Variants in KCNN2 observed in about 807,000 individuals in gnomAD.
KCNN2 encodes the protein potassium calcium-activated channel subfamily N member 2.
KCNN2 carries 24 observed loss-of-function variants against 55.5 expected under a neutral mutation model. That is an observed-to-expected ratio of 0.43 (90% confidence interval 0.31 to 0.61). KCNN2 has a LOEUF of 0.61. Ranked by LOEUF, KCNN2 falls within the 20% of genes least tolerant of loss-of-function variation. The pLI is 0.08. For missense variants in KCNN2, 754 were observed against 853.6 expected (o/e 0.88, Z 1.45); for synonymous variants, 431 against 336.1 (o/e 1.28, Z -3.09).
At chr5:114,269,826 T>C (rs943769191) in intron 2 of KCNN2, among the ~76,000 whole-genome samples, 7 of 152,212 alleles carry the variant, frequency 4.6e-5, no homozygotes, top group African/African-American at 1.4e-4. Flanking sequence ...TAGTTCTAAA[T>C]ATTTGATCAG....
At chr5:114,235,195 A>C (rs1227611914) in intron 2 of KCNN2, among the ~76,000 whole-genome samples, 3 of 152,222 alleles carry the variant, frequency 2.0e-5, no homozygotes, top group Non-Finnish European at 4.4e-5. Flanking sequence ...CTACCATTTG[A>C]GGCAAAGTAG....
chr5:114,070,416 A>G (rs1224403403), intron 1 of KCNN2, among the ~76,000 whole-genome samples: 1 of 152,090 alleles, frequency 6.6e-6, no homozygotes, highest in Non-Finnish European at 1.5e-5. Flanking sequence ...GCTATTCTTT[A>G]TCTTTGTTTT....
intron 1 of KCNN2, among the ~76,000 whole-genome samples, chr5:114,074,921 G>C (rs2112531177): frequency 6.6e-6 from 1 of 152,354 alleles, no homozygotes; most frequent in East Asian, 1.9e-4. Context: ...AAAGTGAGTT[G>C]AAGTTCTGGA....
chr5:114,278,276 G>T (rs956469205), intron 2 of KCNN2, among the ~76,000 whole-genome samples: 1 of 152,164 alleles, frequency 6.6e-6, no homozygotes, highest in African/African-American at 2.4e-5. Flanking sequence ...CTACTGGTAG[G>T]TGTCTCCCAG....
intron 1 of KCNN2, among the ~76,000 whole-genome samples, chr5:114,062,561 A>T (rs571812807): frequency 6.6e-6 from 1 of 152,236 alleles, no homozygotes; most frequent in East Asian, 1.9e-4. Flanking sequence ...GCTTCAGTGT[A>T]CTAGGGATCA....
At chr5:114,458,793 A>G (rs1419264518) in intron 3 of KCNN2, among the ~76,000 whole-genome samples, 1 of 152,206 alleles carries the variant, frequency 6.6e-6, no homozygotes, top group Non-Finnish European at 1.5e-5. Context: ...GCTACAGGGA[A>G]TCTGGAGAAG....
intron 1 of KCNN2, among the ~76,000 whole-genome samples, chr5:114,074,845 G>T (rs1486291187): frequency 1.3e-5 from 2 of 152,174 alleles, no homozygotes; most frequent in South Asian, 2.1e-4. Context: ...GAGGAGTCAG[G>T]CTCTATGAAA....
intron 1 of KCNN2, among the ~76,000 whole-genome samples, chr5:114,058,198 C>T (rs1750251250): frequency 6.6e-6 from 1 of 151,970 alleles, no homozygotes; most frequent in Non-Finnish European, 1.5e-5. Context: ...TCAATAATAG[C>T]ATAATATTAA....
chr5:114,172,554 C>G (rs558138520), intron 1 of KCNN2, among the ~76,000 whole-genome samples: 5 of 150,156 alleles, frequency 3.3e-5, no homozygotes, highest in African/African-American at 1.2e-4. Context: ...ATCATGGAAG[C>G]TTTCAAGTGG....
At chr5:114,230,282 T>A (rs1754331454) in intron 2 of KCNN2, among the ~76,000 whole-genome samples, 1 of 118,434 alleles carries the variant, frequency 8.4e-6, no homozygotes, top group African/African-American at 3.3e-5. Flanking sequence ...TTTTTTTCTT[T>A]CTTTCTTTTT....
chr5:114,222,821 A>G (rs1019733642), intron 2 of KCNN2, among the ~76,000 whole-genome samples: 13 of 152,188 alleles, frequency 8.5e-5, no homozygotes, highest in Admixed American at 6.5e-4. Flanking sequence ...TAAAAAGTCC[A>G]GGTTCTGTGT....
chr5:114,229,905 A>C (rs1430157002), intron 2 of KCNN2, among the ~76,000 whole-genome samples: 1 of 152,142 alleles, frequency 6.6e-6, no homozygotes, highest in African/African-American at 2.4e-5. Flanking sequence ...AAATGGACTT[A>C]AGCCTGCACT....
chr5:114,276,094 G>T (rs1755482297), intron 2 of KCNN2, among the ~76,000 whole-genome samples: 1 of 152,158 alleles, frequency 6.6e-6, no homozygotes, highest in Non-Finnish European at 1.5e-5. Context: ...GTATCCAGTA[G>T]TCACTCAGGA....
At chr5:114,212,339 T>C (rs1753904885) in intron 1 of KCNN2, among the ~76,000 whole-genome samples, 1 of 152,052 alleles carries the variant, frequency 6.6e-6, no homozygotes, top group Non-Finnish European at 1.5e-5. Context: ...ATGCTGATGA[T>C]AGGCAAATCT....
chr5:114,246,879 T>G, intron 2 of KCNN2, among the ~76,000 whole-genome samples: 1 of 151,938 alleles, frequency 6.6e-6, no homozygotes, highest in East Asian at 1.9e-4. Context: ...AAAACCTAAG[T>G]TAATGAATTA....
chr5:114,255,222 A>G (rs1244010011), intron 2 of KCNN2, among the ~76,000 whole-genome samples: 2 of 152,238 alleles, frequency 1.3e-5, no homozygotes, highest in Admixed American at 6.5e-5. Context: ...ACAGAGAGAC[A>G]TATGTGAACA....
chr5:114,490,106 C>G (rs1055985065), intron 6 of KCNN2, among the ~76,000 whole-genome samples: 5 of 152,274 alleles, frequency 3.3e-5, no homozygotes, highest in Non-Finnish European at 5.9e-5. Context: ...CTTTCTCTAA[C>G]TTTTAACGCT....
At chr5:114,312,428 C>CATATATAT (rs1756417704) in intron 2 of KCNN2, among the ~76,000 whole-genome samples, 4 of 22,208 alleles carry the variant, frequency 1.8e-4, no homozygotes, top group Non-Finnish European at 4.0e-4. Context: ...CACACACACA[C>CATATATAT]ACACACATAT....
chr5:114,217,592 C>G (rs1482098713), intron 1 of KCNN2, among the ~76,000 whole-genome samples: 1 of 151,968 alleles, frequency 6.6e-6, no homozygotes, highest in Admixed American at 6.6e-5. Context: ...TATGGTTTAC[C>G]TAAATTAACT....
Sources: allele counts gnomAD v4.1 joint callset (sites outside exome capture counted in the v4.1 genomes callset), GRCh38; gene constraint gnomAD v4.1.1; transcripts MANE v1.5; gene names NCBI Gene and HGNC (gene_info 2026-07-23, HGNC 2026-07-21).